The following CCSER1 variants were observed in gnomAD, a reference collection of about 807,000 sequenced individuals.
CCSER1 encodes the protein serine-rich coiled-coil domain-containing protein 1.
Under a neutral mutation model 82.0 loss-of-function variants are expected in CCSER1, and 41 were observed. The observed-to-expected ratio is 0.50, with a 90% confidence interval of 0.39 to 0.65. The LOEUF (loss-of-function observed/expected upper bound fraction) is 0.65. CCSER1 is among the 30% of genes least tolerant of loss of function. The pLI is 0.00. For missense variants in CCSER1, 1,119 were observed against 1,064.2 expected, an observed-to-expected ratio of 1.05 and a Z score of -0.72; for synonymous variants, 414 against 383.9, an observed-to-expected ratio of 1.08 and a Z score of -0.92.
At chr4:90,868,712 A>G (rs543273725) in intron 8 of CCSER1, among the ~76,000 whole-genome samples, 1 of 152,222 alleles carries the variant, frequency 6.6e-6, no homozygotes, top group Admixed American at 6.6e-5. Flanking sequence ...TTTTGGGTAT[A>G]TACCCAGCAG....
chr4:91,355,184 G>A (rs1392123287), intron 10 of CCSER1, among the ~76,000 whole-genome samples: 1 of 144,382 alleles, frequency 6.9e-6, no homozygotes, highest in Non-Finnish European at 1.5e-5. Flanking sequence ...ACATAAATAT[G>A]ATTTTTGACA....
At chr4:91,443,567 A>T (rs1236071930) in intron 10 of CCSER1, among the ~76,000 whole-genome samples, 1 of 150,554 alleles carries the variant, frequency 6.6e-6, no homozygotes, top group Non-Finnish European at 1.5e-5. Flanking sequence ...TGATGAGTTA[A>T]TGGGTGCAGC....
At chr4:90,692,535 A>T (rs1447020467) in intron 6 of CCSER1, among the ~76,000 whole-genome samples, 1 of 152,002 alleles carries the variant, frequency 6.6e-6, no homozygotes, top group African/African-American at 2.4e-5. Flanking sequence ...ATTAAGGGAC[A>T]CTTGACCGAA....
intron 10 of CCSER1, among the ~76,000 whole-genome samples, chr4:91,301,610 G>A (rs749469803): frequency 1.3e-5 from 2 of 151,510 alleles, no homozygotes. Context: ...GCTCCCTTGT[G>A]GTTTAACAAC....
In CCSER1 at chr4:90,606,286, C is replaced by A. The variant is rs570254588; in HGVS notation, c.1725-21739C>A. 2.6e-5 allele frequency among the ~76,000 whole-genome samples: 4 copies of A among 152,126 alleles called. No individual in the cohort carries two copies. In the East Asian group the frequency reaches 7.7e-4, roughly 29 times the overall value. On this transcript the variant is annotated intron_variant, in intron 5 of 10. Transcript: ENST00000509176. ...GTCATTAGGCTGTTTCATCATTGTGCAAACAGAGTGTACTTACACAAACCT... is the reference window on the plus strand; with the variant it reads ...GTCATTAGGCTGTTTCATCATTGTGAAAACAGAGTGTACTTACACAAACCT...
chr4:91,430,937 T>C (rs1754261973), intron 10 of CCSER1, among the ~76,000 whole-genome samples: 1 of 152,192 alleles, frequency 6.6e-6, no homozygotes, highest in South Asian at 2.1e-4. Flanking sequence ...CTTTTGTAAA[T>C]AAAAATTTGG....
intron 3 of CCSER1, among the ~76,000 whole-genome samples, chr4:90,349,020 G>T (rs1334974271): frequency 6.6e-6 from 1 of 152,050 alleles, no homozygotes; most frequent in Non-Finnish European, 1.5e-5. Context: ...TTGAAAGAAT[G>T]AGTTCCAGTG....
chr4:90,567,742 G>A (rs1011001216), intron 5 of CCSER1, among the ~76,000 whole-genome samples: 3 of 151,844 alleles, frequency 2.0e-5, no homozygotes, highest in African/African-American at 7.3e-5. Flanking sequence ...AAAGAGCTGG[G>A]ACTGCAGGCA....
intron 5 of CCSER1, among the ~76,000 whole-genome samples, chr4:90,502,878 TTC>T (rs1192526184): frequency 4.9e-4 from 74 of 152,302 alleles, no homozygotes; most frequent in African/African-American, 1.6e-3. Context: ...CCATTTTTTT[TTC>T]TTTCCTCAAA....
chr4:91,544,889 A>C lies in CCSER1; in HGVS notation c.2218-53683A>C, dbSNP rs182227178. On this transcript the variant is annotated intron_variant, in intron 10 of 10. Coordinates refer to ENST00000509176, the MANE Select transcript of CCSER1 (RefSeq NM_001145065.2). ...AGTTTCTGCTGCCTTTATTTCAGCT[A>C]TGCCCTGTCCCCAGAGTTGGAGTCT... Among the ~76,000 whole-genome samples, 247 of 152,250 alleles carry C rather than the reference A, an allele frequency of 1.6e-3. 1 individual carries two copies. Among genetic ancestry groups the C allele is most frequent in the African/African-American group, 5.8e-3 (240 of 41,546 alleles).
At chr4:91,401,425 T>G (rs1752316531) in intron 10 of CCSER1, among the ~76,000 whole-genome samples, 1 of 150,464 alleles carries the variant, frequency 6.6e-6, no homozygotes, top group Non-Finnish European at 1.5e-5. Flanking sequence ...ATACTTTAAG[T>G]TCTAGGGTAC....
intron 10 of CCSER1, among the ~76,000 whole-genome samples, chr4:91,247,961 A>C (rs111327650): frequency 2.4e-4 from 37 of 152,320 alleles, no homozygotes; most frequent in Non-Finnish European, 4.1e-4. Context: ...TTAGGCAGGA[A>C]GTATACAAGA....
intron 8 of CCSER1, among the ~76,000 whole-genome samples, chr4:90,823,983 T>C (rs552190929): frequency 6.6e-6 from 1 of 152,198 alleles, no homozygotes; most frequent in African/African-American, 2.4e-5. Context: ...ATTAATTTAT[T>C]GCCATATTAT....
chr4:90,774,694 T>G (rs1752669449), intron 7 of CCSER1, among the ~76,000 whole-genome samples: 1 of 152,100 alleles, frequency 6.6e-6, no homozygotes, highest in South Asian at 2.1e-4. Context: ...TACTGTCTAA[T>G]GAAAGGTACA....
chr4:91,594,675 A>G (rs1163345906), intron 10 of CCSER1, among the ~76,000 whole-genome samples: 1 of 151,960 alleles, frequency 6.6e-6, no homozygotes, highest in Non-Finnish European at 1.5e-5. Flanking sequence ...CAACTGAATG[A>G]TTGTTAGAGT....
chr4:90,888,446 A>T (rs963052835), intron 8 of CCSER1, among the ~76,000 whole-genome samples: 1 of 152,168 alleles, frequency 6.6e-6, no homozygotes, highest in Non-Finnish European at 1.5e-5. Context: ...TCAGAGAAAC[A>T]ATCCTTTCTA....
At chr4:90,199,172 ATCT>A (rs1305962658) in intron 1 of CCSER1, among the ~76,000 whole-genome samples, 6 of 152,156 alleles carry the variant, frequency 3.9e-5, no homozygotes, top group African/African-American at 7.2e-5. Context: ...GTAATTTGGA[ATCT>A]TCTTCTGAGA....
intron 10 of CCSER1, among the ~76,000 whole-genome samples, chr4:91,266,757 A>G (rs1189333870): frequency 6.6e-6 from 1 of 152,188 alleles, no homozygotes; most frequent in East Asian, 1.9e-4. Context: ...TGCATACTTT[A>G]GTAGCTGGCT....
chr4:90,919,258 C>T (rs967691478), intron 8 of CCSER1, among the ~76,000 whole-genome samples: 3 of 151,764 alleles, frequency 2.0e-5, no homozygotes, highest in Non-Finnish European at 2.9e-5. Flanking sequence ...GAGGCAGCAA[C>T]ACTATTTGTA....
Sources: allele counts gnomAD v4.1 joint callset (sites outside exome capture counted in the v4.1 genomes callset), GRCh38; gene constraint gnomAD v4.1.1; transcripts MANE v1.5; gene names NCBI Gene and HGNC (gene_info 2026-07-23, HGNC 2026-07-21).